TCF3: variants seen among roughly 807,000 people sequenced by gnomAD.
TCF3 encodes transcription factor E2-alpha.
TCF3 carries 54 observed loss-of-function variants against 72.3 expected under a neutral mutation model. That is an observed-to-expected ratio of 0.75 (90% CI 0.60 to 0.94). TCF3 has a LOEUF of 0.94. Ranked by LOEUF, TCF3 falls within the 40% of genes least tolerant of loss-of-function variation. TCF3 has a pLI of 0.00. For missense variants in TCF3, 1,078 were observed against 934.4 expected (o/e 1.15, Z -2.00); for synonymous variants, 525 against 412.6 (o/e 1.27, Z -3.30).
intron 18 of TCF3, among the ~76,000 whole-genome samples, chr19:1,613,393 C>T (rs188215030): frequency 2.6e-5 from 4 of 152,116 alleles, no homozygotes; most frequent in African/African-American, 7.2e-5. Context: ...CCTGCTTCCC[C>T]GTCTGGGAGC....
chr19:1,635,764 T>C lies in TCF3; in HGVS notation c.146-3359A>G, dbSNP rs116103192. Among the ~76,000 whole-genome samples, 933 of 152,320 alleles carry C rather than the reference T, an allele frequency of 6.1e-3. 16 individuals carry two copies. The highest frequency in any genetic ancestry group is 0.021 in the African/African-American group (880 of 41,558). On this transcript the variant is annotated intron_variant, in intron 3 of 18. Transcript: ENST00000262965. Reference sequence around the variant, plus strand: ...TAAAAATTACATTTAAAAATGTGTATATGGCTAATGCCTGCTGTACTGAAC... The same window carrying C: ...TAAAAATTACATTTAAAAATGTGTACATGGCTAATGCCTGCTGTACTGAAC...
At chr19:1,640,769 A>C (rs1599989945) in intron 3 of TCF3, among the ~76,000 whole-genome samples, 1 of 151,588 alleles carries the variant, frequency 6.6e-6, no homozygotes, top group Non-Finnish European at 1.5e-5. Context: ...ACGCCACTGC[A>C]CCCCAGCCTG....
chr19:1,629,323 C>T (rs1258856495), intron 5 of TCF3, among the ~76,000 whole-genome samples: 1 of 152,156 alleles, frequency 6.6e-6, no homozygotes, highest in Non-Finnish European at 1.5e-5. Context: ...AGGTTCACCG[C>T]ACAGGCTCCC....
chr19:1,619,824 G>C lies in TCF3; in HGVS notation c.1123C>G (p.Pro375Ala), dbSNP rs1481750909. ...TCGTAGCTGGGCGATAAGGCACCGG[G>C]GGCTCCTGCTCGAGGCCACTGTGAC... ...GTSQWPRAGAPGALSPSYDGG... is the reference protein window; with the variant it reads ...GTSQWPRAGAAGALSPSYDGG... Residue 375 changes from proline (P) to alanine (A), a missense_variant, in exon 14 of 19, where the codon CCC becomes GCC. Physicochemically the swap from Pro to Ala is conservative, Grantham distance 27 (BLOSUM62 -1). Transcript: ENST00000262965. The C allele has an allele frequency of 6.3e-7, 1 of 1,578,312 alleles. No homozygotes were observed. The highest frequency in any genetic ancestry group is 1.3e-5 in the African/African-American group (1 of 74,106).
intron 5 of TCF3, among the ~76,000 whole-genome samples, chr19:1,631,633 C>T (rs944927260): frequency 3.3e-5 from 5 of 152,036 alleles, no homozygotes; most frequent in African/African-American, 9.7e-5. Flanking sequence ...GGGCGGTCTG[C>T]GGAAGGGCAT....
chr19:1,640,159 C>T (rs759210399), intron 3 of TCF3, among the ~76,000 whole-genome samples: 3 of 152,144 alleles, frequency 2.0e-5, no homozygotes, highest in East Asian at 1.9e-4. Flanking sequence ...AAGAGCCGAA[C>T]GGGGCCAGGC....
Position 1,650,279 on chromosome 19 carries a change from C to A in TCF3, c.-31G>T. On this transcript the variant is annotated 5_prime_UTR_variant, in exon 2 of 19. In the 5' UTR this introduces an upstream ATG that the reference lacks. Coordinates refer to ENST00000262965, the MANE Select transcript of TCF3 (RefSeq NM_003200.5). ...TGGGGCCAGGGCGGGCACCTCAGGC[C>A]TGGAAACCCTGCTTGGTGGATGTGG... The A allele has an allele frequency of 6.5e-7, 1 of 1,546,526 alleles. No individual in the cohort carries two copies. Among genetic ancestry groups the A allele is most frequent in the Non-Finnish European group, 8.7e-7 (1 of 1,146,846 alleles).
intron 3 of TCF3, among the ~76,000 whole-genome samples, chr19:1,642,308 GCA>G (rs2065447518): frequency 6.6e-6 from 1 of 151,634 alleles, no homozygotes; most frequent in Non-Finnish European, 1.5e-5. Context: ...ACACACACCC[GCA>G]CGCACACACA....
Position 1,633,088 on chromosome 19 carries a change from C to CCGGGG in TCF3, c.146-688_146-684dup, listed in dbSNP as rs368693132. On this transcript the variant is annotated intron_variant, in intron 3 of 18. Coordinates refer to ENST00000262965, the MANE Select transcript of TCF3 (RefSeq NM_003200.5). ...AAGGGACGGGACGAGGACCTTGGTC[C>CCGGGG]CGGGGCGGGGCGGGCGGGGCCCTTA... Among the ~76,000 whole-genome samples the CCGGGG allele has an allele frequency of 2.7e-3, 394 of 145,746 alleles. 2 individuals are homozygous for CCGGGG. The highest frequency in any genetic ancestry group is 9.0e-3 in the African/African-American group (363 of 40,420).
At position 1,635,919 on chromosome 19, in the gene TCF3, G is replaced by A. The variant is rs570682019; in HGVS notation, c.146-3514C>T. Among the ~76,000 whole-genome samples the A allele has an allele frequency of 1.2e-4, 19 of 152,278 alleles. No individual in the cohort carries two copies. The East Asian group carries it at 2.9e-3, about 23-fold the overall frequency. ...ACTCGGGAGTAGGAGCGGGCCACCC[G>A]ATACAGGGTCACTATGACCCCCCAA... is the stretch of plus-strand genomic sequence containing the variant. On this transcript the variant is annotated intron_variant, in intron 3 of 18. Coordinates refer to ENST00000262965, the MANE Select transcript of TCF3 (RefSeq NM_003200.5).
intron 16 of TCF3, among the ~76,000 whole-genome samples, chr19:1,617,277 C>T (rs1568341598): frequency 6.6e-6 from 1 of 152,218 alleles, no homozygotes; most frequent in Non-Finnish European, 1.5e-5. Context: ...ACCTACAGCC[C>T]CACGCCCGGG....
At position 1,610,846 on chromosome 19, in the gene TCF3, A is replaced by G; in HGVS notation, c.*861T>C. On this transcript the variant is annotated 3_prime_UTR_variant, in exon 19 of 19. Coordinates refer to ENST00000262965, the MANE Select transcript of TCF3 (RefSeq NM_003200.5). ...GCCCACGCATCACTTTCCACATGACAAAACCAAGAGAACCCCCAACATCAA... is the reference window on the plus strand; with the variant it reads ...GCCCACGCATCACTTTCCACATGACGAAACCAAGAGAACCCCCAACATCAA... 9.2e-6 allele frequency: 2 copies of G among 217,244 alleles called. No homozygotes were observed. Among genetic ancestry groups the G allele is most frequent in the Non-Finnish European group, 1.8e-5 (2 of 108,876 alleles). The allele number at this position is 217,244 out of a possible 1,614,324, so 13.5% of individuals were successfully genotyped here. A position where few individuals can be genotyped will look rare whatever the true frequency, so the allele number is the denominator to read the frequency against.
intron 16 of TCF3, chr19:1,616,423 A>C (rs2061552233): frequency 6.6e-6 from 1 of 151,938 alleles, no homozygotes; most frequent in African/African-American, 2.4e-5. Flanking sequence ...GCAGTGAGCC[A>C]AGATTGCGCC....
At chr19:1,632,511 G>C in intron 3 of TCF3, 106 bp from the exon 4 acceptor site, 1 of 1,241,932 alleles carries the variant, frequency 8.1e-7, no homozygotes, top group Non-Finnish European at 1.1e-6. Flanking sequence ...CGGGGGGCTT[G>C]TGGAACCCTT....
chr19:1,613,021 T>C (rs1198030206), intron 18 of TCF3, among the ~76,000 whole-genome samples: 1 of 150,046 alleles, frequency 6.7e-6, no homozygotes. Flanking sequence ...ACACAGCTGG[T>C]GTCAGGCACT....
chr19:1,621,942 T>A lies in TCF3; in HGVS notation c.851A>T (p.Asn284Ile). ...MGYQLHGAEV[N>I]GGLPSASSFS... ...GGAGGATGCAGATGGGAGCCCACCG[T>A]TCACCTCTGCTCCATGCAGCTGGTA... The change falls in exon 11 of 19, where the codon AAC becomes ATC. Residue 284 changes from asparagine to isoleucine, a missense_variant. Asn to Ile is a moderately radical substitution (Grantham distance 149, BLOSUM62 -3). Transcript: ENST00000262965. 1 of 1,606,574 alleles carries A rather than the reference T, an allele frequency of 6.2e-7. No individual in the cohort carries two copies. Among genetic ancestry groups the A allele is most frequent in the East Asian group, 2.2e-5 (1 of 44,614 alleles).
At chr19:1,630,889 C>CG (rs2063629654) in intron 5 of TCF3, among the ~76,000 whole-genome samples, 1 of 152,180 alleles carries the variant, frequency 6.6e-6, no homozygotes, top group Non-Finnish European at 1.5e-5. Flanking sequence ...ATGTGAAGCT[C>CG]GGGGCATTTC....
In TCF3 at chr19:1,632,121, G is replaced by A. The variant is rs1456778481; in HGVS notation, c.220-5C>T. ...GTGGGTGCCCTCGCTGAAGGTCTAG[G>A]GGAGATGGGGTGGGGATGAGAGGTG... is the stretch of plus-strand genomic sequence containing the variant. On this transcript the variant is annotated splice_polypyrimidine_tract_variant and splice_region_variant and intron_variant, in intron 4 of 18. Transcript: ENST00000262965. 1 of 1,612,268 alleles carries A rather than the reference G, an allele frequency of 6.2e-7. No individual in the cohort carries two copies. Among genetic ancestry groups the A allele is most frequent in the Non-Finnish European group, 8.5e-7 (1 of 1,179,344 alleles).
chr19:1,639,195 T>C (rs2064885983), intron 3 of TCF3, among the ~76,000 whole-genome samples: 1 of 152,176 alleles, frequency 6.6e-6, no homozygotes, highest in Non-Finnish European at 1.5e-5. Context: ...AGGCACCTGC[T>C]ACCATGCCTG....
Sources: allele counts gnomAD v4.1 joint callset (sites outside exome capture counted in the v4.1 genomes callset), GRCh38; gene constraint gnomAD v4.1.1; transcripts MANE v1.5; gene names NCBI Gene and HGNC (gene_info 2026-07-23, HGNC 2026-07-21).